Variants in DEAF1 observed in about 807,000 individuals in gnomAD.
The protein encoded by DEAF1 is deformed epidermal autoregulatory factor 1 homolog.
In DEAF1, 53 loss-of-function variants were observed where a neutral mutation model predicts 58.9. That is an observed-to-expected ratio of 0.90 (90% CI 0.72 to 1.13). The LOEUF (loss-of-function observed/expected upper bound fraction) is 1.13, where lower values mean the gene tolerates loss of function less well. DEAF1 is among the 50% of genes most tolerant of loss of function. The probability of loss-of-function intolerance (pLI) is 0.00; values close to 1 mark genes in which losing one functional copy is unlikely to be tolerated. For missense variants in DEAF1, 685 were observed against 791.4 expected (o/e 0.87, Z 1.61); for synonymous variants, 385 against 340.4 (o/e 1.13, Z -1.44).
At chr11:669,859 G>A (rs1054730566) in intron 10 of DEAF1, among the ~76,000 whole-genome samples, 1 of 151,412 alleles carries the variant, frequency 6.6e-6, no homozygotes, top group African/African-American at 2.4e-5. Flanking sequence ...AAACCTGGGA[G>A]GCGAAGGCTA....
Position 678,829 on chromosome 11 carries a change from G to C in DEAF1, c.1127-7C>G. 1 of 1,613,652 alleles carries C rather than the reference G, an allele frequency of 6.2e-7. No individual in the cohort carries two copies. The highest frequency in any genetic ancestry group is 1.1e-5 in the South Asian group (1 of 91,044). On this transcript the variant is annotated splice_region_variant and splice_polypyrimidine_tract_variant and intron_variant, in intron 8 of 11. Transcript: ENST00000382409. The stretch of plus-strand genomic sequence containing the variant: ...TGCACGCTGGCCTCTTGGACTGTTG[G>C]GGAGAAAAAGGACAGGGAGGCTCGG...
chr11:696,437 G>A (rs7101785), upstream of DEAF1, among the ~76,000 whole-genome samples: 92,098 of 152,110 alleles, frequency 0.61, 28,141 homozygotes, highest in East Asian at 0.78. Context: ...CCATAGGCAG[G>A]ACAGCCTCTA....
chr11:679,876 C>T, intron 7 of DEAF1, 60 bp from the exon 8 acceptor site: 1 of 1,604,964 alleles, frequency 6.2e-7, no homozygotes, highest in Non-Finnish European at 8.5e-7. Flanking sequence ...CACACAGGTC[C>T]CGTGCCACCC....
chr11:665,905 A>C (rs1301302571), intron 10 of DEAF1: 1 of 152,326 alleles, frequency 6.6e-6, no homozygotes, highest in Non-Finnish European at 1.5e-5. Flanking sequence ...GCACAGAGAG[A>C]GGACACTCCC....
At chr11:647,077 T>G (rs936754826) in intron 11 of DEAF1, among the ~76,000 whole-genome samples, 76 of 152,274 alleles carry the variant, frequency 5.0e-4, no homozygotes, top group African/African-American at 1.7e-3. Context: ...GAGGATCACT[T>G]GAGCCAGGAG....
chr11:685,182 G>T (rs529398331), intron 5 of DEAF1, among the ~76,000 whole-genome samples: 2 of 149,270 alleles, frequency 1.3e-5, no homozygotes, highest in African/African-American at 4.9e-5. Context: ...CCTCCCCGGC[G>T]CAAGCAATTC....
chr11:678,360 C>T (rs549746240), intron 9 of DEAF1: 21 of 364,506 alleles, frequency 5.8e-5, no homozygotes, highest in African/African-American at 3.8e-4. Flanking sequence ...GAGACCAAGA[C>T]CTGCCACTGG....
At chr11:685,896 G>C in intron 5 of DEAF1, among the ~76,000 whole-genome samples, 1 of 152,008 alleles carries the variant, frequency 6.6e-6, no homozygotes, top group East Asian at 1.9e-4. Context: ...TGTAATCCCA[G>C]CACTTTGAGA....
upstream of DEAF1, chr11:699,069 G>T: frequency 4.2e-6 from 3 of 721,336 alleles, no homozygotes; most frequent in Non-Finnish European, 7.1e-6. Context: ...AGTTCTGCTG[G>T]CTCCATCCCC....
chr11:644,700 C>T lies in DEAF1; in HGVS notation c.1594-46G>A. The stretch of plus-strand genomic sequence containing the variant: ...ATGTCAGCAGGGTCAGTGGGTGGAG[C>T]AGGGTCTGGGCAGGGTCCCCAAGGC... On this transcript the variant is annotated intron_variant, in intron 11 of 11. Coordinates refer to ENST00000382409, the MANE Select transcript of DEAF1 (RefSeq NM_021008.4). This position sits in a 1 kb window ranked among gnomAD's most constrained non-coding sequence, Gnocchi z 4.3. The T allele has an allele frequency of 6.6e-7, 1 of 1,505,372 alleles. No individual in the cohort carries two copies. The highest frequency in any genetic ancestry group is 9.0e-7 in the Non-Finnish European group (1 of 1,105,068). The allele number at this position is 1,505,372 out of a possible 1,614,324, so 93.3% of individuals were successfully genotyped here. A position where few individuals can be genotyped will look rare whatever the true frequency, so the allele number is the denominator to read the frequency against.
chr11:653,172 A>T (rs1858865068), intron 11 of DEAF1, among the ~76,000 whole-genome samples: 1 of 151,512 alleles, frequency 6.6e-6, no homozygotes, highest in African/African-American at 2.4e-5. Flanking sequence ...ATCCTGAACT[A>T]CCGTTTGTAG....
At chr11:681,986 C>A (rs1294936909) in intron 6 of DEAF1, among the ~76,000 whole-genome samples, 1 of 152,238 alleles carries the variant, frequency 6.6e-6, no homozygotes, top group Non-Finnish European at 1.5e-5. Context: ...TACATTGTAG[C>A]AACAGTGGAA....
intron 11 of DEAF1, among the ~76,000 whole-genome samples, chr11:652,852 G>A (rs1564924182): frequency 6.6e-6 from 1 of 152,090 alleles, no homozygotes; most frequent in Non-Finnish European, 1.5e-5. Flanking sequence ...GGGAGGCCAA[G>A]GTGGGTGGAT....
intron 9 of DEAF1, among the ~76,000 whole-genome samples, chr11:675,306 C>T (rs909007313): frequency 1.3e-5 from 2 of 151,964 alleles, no homozygotes; most frequent in Non-Finnish European, 2.9e-5. Flanking sequence ...ATCACTTGAG[C>T]TCAGGAGTTC....
intron 10 of DEAF1, chr11:674,322 A>G (rs1290537212): frequency 2.1e-5 from 14 of 651,586 alleles, no homozygotes; most frequent in Admixed American, 2.9e-5. Flanking sequence ...AAGCAACCTT[A>G]TTTACAAAAA....
Position 644,546 on chromosome 11 carries a change from A to T in DEAF1, c.*4T>A, listed in dbSNP as rs776038399. ...CCCCAGCTCCCAGGGCGGCCGATGGAGCCTCACACGGTCACCTTCTCCATC... is the reference window on the plus strand; with the variant it reads ...CCCCAGCTCCCAGGGCGGCCGATGGTGCCTCACACGGTCACCTTCTCCATC... On this transcript the variant is annotated 3_prime_UTR_variant, in exon 12 of 12. Transcript: ENST00000382409. This position sits in a 1 kb window ranked among gnomAD's most constrained non-coding sequence, Gnocchi z 4.3. 1 of 1,611,658 alleles carries T rather than the reference A, an allele frequency of 6.2e-7. No homozygotes were observed. The highest frequency in any genetic ancestry group is 1.1e-5 in the South Asian group (1 of 90,894).
chr11:705,765 T>C (rs1370015103), intron 1 of DEAF1, among the ~76,000 whole-genome samples: 3 of 152,028 alleles, frequency 2.0e-5, no homozygotes, highest in Admixed American at 1.3e-4. Flanking sequence ...GGCTCTGACC[T>C]CCCCAGGGCT....
At chr11:655,599 C>T (rs1278576120) in intron 10 of DEAF1, among the ~76,000 whole-genome samples, 1 of 152,084 alleles carries the variant, frequency 6.6e-6, no homozygotes, top group Non-Finnish European at 1.5e-5. Flanking sequence ...CAGCACAGAG[C>T]AGCACAGGAA....
chr11:704,411 C>A (rs770046941), intron 1 of DEAF1: 1 of 1,274,714 alleles, frequency 7.8e-7, no homozygotes, highest in Non-Finnish European at 1.0e-6. Flanking sequence ...TGTCCTGGGC[C>A]GACTTCCTTT....
Sources: gnomAD v4.1 joint callset for allele counts (sites outside exome capture counted in the v4.1 genomes callset) on GRCh38, gnomAD v4.1.1 for gene constraint, Gnocchi (gnomAD v3.1) non-coding constraint, MANE v1.5 for transcripts, NCBI Gene and HGNC (gene_info 2026-07-23, HGNC 2026-07-21) for gene names.